RPTOR: variants seen among roughly 807,000 people sequenced by gnomAD.
RPTOR encodes the protein regulatory associated protein of MTOR complex 1.
Under a neutral mutation model 169.9 loss-of-function variants are expected in RPTOR, and 21 were observed. The ratio of observed to expected loss-of-function variants is 0.12; its 90% confidence interval spans 0.09 to 0.18. RPTOR has a LOEUF of 0.18. Among genes scored for constraint, RPTOR ranks in the 10% least tolerant of loss-of-function variants. The probability of loss-of-function intolerance (pLI) is 1.00; values close to 1 mark genes in which losing one functional copy is unlikely to be tolerated. For synonymous variants in RPTOR, 732 were observed against 753.2 expected, an observed-to-expected ratio of 0.97 and a Z score of 0.46; for missense variants, 1,133 against 1,855.9, an observed-to-expected ratio of 0.61 and a Z score of 7.16.
chr17:80,938,789 G>A (rs989686058), intron 24 of RPTOR, among the ~76,000 whole-genome samples: 2 of 152,178 alleles, frequency 1.3e-5, no homozygotes, highest in Admixed American at 6.5e-5. Context: ...CCATGAGCAC[G>A]GGGTCAGACA....
At chr17:80,923,757 C>G in intron 23 of RPTOR, 84 bp downstream of exon 23, 1 of 1,398,162 alleles carries the variant, frequency 7.2e-7, no homozygotes, top group Non-Finnish European at 9.6e-7. Flanking sequence ...CCTCAGGCTG[C>G]TCACATCACC....
chr17:80,732,383 C>A (rs536558142), intron 5 of RPTOR, among the ~76,000 whole-genome samples: 117 of 152,206 alleles, frequency 7.7e-4, no homozygotes, highest in Non-Finnish European at 8.4e-4. Flanking sequence ...TGCATTCCAG[C>A]GCTTTGAGCA....
chr17:80,791,743 T>G (rs770431395), intron 7 of RPTOR, among the ~76,000 whole-genome samples: 2 of 152,204 alleles, frequency 1.3e-5, no homozygotes, highest in African/African-American at 2.4e-5. Flanking sequence ...AAAGCTGAAT[T>G]CCTTTGAACA....
At chr17:80,810,678 G>A (rs1371467921) in intron 7 of RPTOR, among the ~76,000 whole-genome samples, 1 of 152,144 alleles carries the variant, frequency 6.6e-6, no homozygotes, top group Non-Finnish European at 1.5e-5. Flanking sequence ...GAAGCCTGCT[G>A]AGATTTTGAC....
At chr17:80,743,765 T>TGGTTA (rs1567887241) in intron 5 of RPTOR, among the ~76,000 whole-genome samples, 26 of 77,802 alleles carry the variant, frequency 3.3e-4, no homozygotes, top group African/African-American at 9.3e-4. Context: ...CTACTAGCAC[T>TGGTTA]CTCCTGGTTA....
At chr17:80,634,420 CGTGT>C (rs142811881) in intron 2 of RPTOR, among the ~76,000 whole-genome samples, 2 of 37,286 alleles carry the variant, frequency 5.4e-5, no homozygotes, top group South Asian at 8.1e-4. Flanking sequence ...GTGTGCATAC[CGTGT>C]GTGTGTGCAT....
intron 3 of RPTOR, among the ~76,000 whole-genome samples, chr17:80,700,439 A>ATGGTGGTGGTGGTGATGGTGGTGGTGG (rs2066076235): frequency 2.1e-5 from 2 of 93,940 alleles, no homozygotes; most frequent in Admixed American, 2.0e-4. Flanking sequence ...GGTGGTTATG[A>ATGGTGGTGGTGGTGATGGTGGTGGTGG]TGGTGGTGGT....
At chr17:80,882,056 A>G (rs1038989455) in intron 14 of RPTOR, among the ~76,000 whole-genome samples, 1 of 152,232 alleles carries the variant, frequency 6.6e-6, no homozygotes, top group Non-Finnish European at 1.5e-5. Flanking sequence ...CTGTTATTGA[A>G]AACTCTGGAG....
At chr17:80,848,548 G>A (rs375635012) in intron 11 of RPTOR, among the ~76,000 whole-genome samples, 39 of 152,342 alleles carry the variant, frequency 2.6e-4, no homozygotes, top group African/African-American at 7.7e-4. Flanking sequence ...TTTTCCCTTC[G>A]TGCGACTGTA....
At chr17:80,549,414 A>T (rs1024030116) in intron 1 of RPTOR, among the ~76,000 whole-genome samples, 30 of 152,086 alleles carry the variant, frequency 2.0e-4, no homozygotes, top group Non-Finnish European at 8.8e-5. Flanking sequence ...GGTTCAAGCG[A>T]TTCTCCTGCC....
At position 80,584,559 on chromosome 17, in the gene RPTOR, GT is replaced by G. The variant is rs1465178352; in HGVS notation, c.162+38769del. ...GCCAGGAGTGCGATTTTTCCTTTAT[GT>G]GTTACTCCGTTTACCATGTCTCAAT... is the stretch of plus-strand genomic sequence containing the variant. On this transcript the variant is annotated intron_variant, in intron 1 of 33. Coordinates refer to ENST00000306801, the MANE Select transcript of RPTOR (RefSeq NM_020761.3). Among the ~76,000 whole-genome samples, 3 of 151,970 alleles carry G rather than the reference GT, an allele frequency of 2.0e-5. No homozygotes were observed. In the East Asian group the frequency reaches 5.8e-4, roughly 29 times the overall value.
At chr17:80,743,809 C>CTACTAGCACTGTCCTGGT (rs1567887370) in intron 5 of RPTOR, among the ~76,000 whole-genome samples, 1 of 89,828 alleles carries the variant, frequency 1.1e-5, no homozygotes, top group Non-Finnish European at 2.3e-5. Context: ...ACAGCCCTGG[C>CTACTAGCACTGTCCTGGT]TACTAGCAGA....
At position 80,695,384 on chromosome 17, in the gene RPTOR, G is replaced by A. The variant is rs2066027872; in HGVS notation, c.349-12457G>A. ...GACGTTGCCAGGTCGAATGGCTGGT[G>A]AATCATTGATTTGGGGCTGAGACTT... On this transcript the variant is annotated intron_variant, in intron 3 of 33. Coordinates refer to ENST00000306801, the MANE Select transcript of RPTOR (RefSeq NM_020761.3). The surrounding 1 kb of genome is among the most constrained non-coding windows in gnomAD (Gnocchi z 4.9). Among the ~76,000 whole-genome samples, 1 of 152,216 alleles carries A rather than the reference G, an allele frequency of 6.6e-6. No homozygotes were observed. Among genetic ancestry groups the A allele is most frequent in the African/African-American group, 2.4e-5 (1 of 41,458 alleles).
intron 13 of RPTOR, among the ~76,000 whole-genome samples, chr17:80,864,687 T>C (rs939001888): frequency 3.9e-5 from 6 of 152,154 alleles, no homozygotes; most frequent in Non-Finnish European, 7.4e-5. Context: ...GGAAACACGG[T>C]TCTACACAAA....
intron 3 of RPTOR, among the ~76,000 whole-genome samples, chr17:80,666,249 GT>G (rs2065778439): frequency 6.7e-6 from 1 of 149,854 alleles, no homozygotes; most frequent in African/African-American, 2.5e-5. Flanking sequence ...TCCAAAGTTG[GT>G]TTGCCAAAAT....
chr17:80,959,968 G>T lies in RPTOR; in HGVS notation c.3478-110G>T. 7.3e-7 allele frequency: 1 copy of T among 1,374,156 alleles called. No homozygotes were observed. 85.1% of individuals were successfully genotyped at this position (1,374,156 alleles called of 1,614,324 possible). A position where few individuals can be genotyped will look rare whatever the true frequency, so the allele number is the denominator to read the frequency against. The stretch of plus-strand genomic sequence containing the variant: ...GAGAAAGGCCCCTGCAGCCAGGGAG[G>T]GTGATCCCCACAGCCAGGCAGGCAG... On this transcript the variant is annotated intron_variant, in intron 29 of 33. Transcript: ENST00000306801. The surrounding 1 kb of genome is among the most constrained non-coding windows in gnomAD (Gnocchi z 6.7).
At position 80,893,615 on chromosome 17, in the gene RPTOR, G is replaced by T. The variant is rs1047270826; in HGVS notation, c.2243-92G>T. 4.1e-6 allele frequency: 6 copies of T among 1,479,472 alleles called. No homozygotes were observed. In the African/African-American group the frequency reaches 5.7e-5, roughly 14 times the overall value. The allele number at this position is 1,479,472 out of a possible 1,614,324, so 91.6% of individuals were successfully genotyped here. ...GCCTGGGTGTGCTGAGCTTTATTTAGAAGAAAATATGTATCTCAGTCATGC... is the reference window on the plus strand; with the variant it reads ...GCCTGGGTGTGCTGAGCTTTATTTATAAGAAAATATGTATCTCAGTCATGC... On this transcript the variant is annotated intron_variant, in intron 19 of 33. Coordinates refer to ENST00000306801, the MANE Select transcript of RPTOR (RefSeq NM_020761.3).
chr17:80,547,357 T>C (rs2084289410), intron 1 of RPTOR, among the ~76,000 whole-genome samples: 1 of 152,204 alleles, frequency 6.6e-6, no homozygotes. Flanking sequence ...GTTGTTATTT[T>C]GAAATGTGGT....
At chr17:80,790,930 G>T (rs557257022) in intron 6 of RPTOR, among the ~76,000 whole-genome samples, 2 of 152,148 alleles carry the variant, frequency 1.3e-5, no homozygotes, top group Non-Finnish European at 1.5e-5. Context: ...AAGCCTGTCC[G>T]GCTCCACACG....
Sources: gnomAD v4.1 joint callset for allele counts (sites outside exome capture counted in the v4.1 genomes callset) on GRCh38, gnomAD v4.1.1 for gene constraint, Gnocchi (gnomAD v3.1) non-coding constraint, MANE v1.5 for transcripts, NCBI Gene and HGNC (gene_info 2026-07-23, HGNC 2026-07-21) for gene names.